The following ABCA5 variants were observed in gnomAD, a reference collection of about 807,000 sequenced individuals.
ABCA5 encodes the protein ATP binding cassette subfamily A member 5, also known as cholesterol transporter ABCA5.
Under a neutral mutation model 206.0 loss-of-function variants are expected in ABCA5, and 163 were observed. The observed-to-expected ratio is 0.79, with a 90% confidence interval of 0.70 to 0.90. ABCA5 has a LOEUF of 0.90. Among genes scored for constraint, ABCA5 ranks in the 40% least tolerant of loss-of-function variants. The probability of loss-of-function intolerance (pLI) is 0.00; values close to 1 mark genes in which losing one functional copy is unlikely to be tolerated. For synonymous variants in ABCA5, 609 were observed against 613.8 expected (o/e 0.99, Z 0.11); for missense variants, 1,859 against 1,912.9 (o/e 0.97, Z 0.53).
chr17:69,313,642 G>A (rs982939904), intron 2 of ABCA5, among the ~76,000 whole-genome samples: 8 of 151,924 alleles, frequency 5.3e-5, no homozygotes, highest in Middle Eastern at 3.4e-3. Flanking sequence ...GCAATTTACC[G>A]AACATCCCTA....
intron 22 of ABCA5, among the ~76,000 whole-genome samples, chr17:69,269,832 A>G (rs577192701): frequency 6.6e-6 from 1 of 152,218 alleles, no homozygotes; most frequent in Non-Finnish European, 1.5e-5. Flanking sequence ...TACATACTGT[A>G]TGATTCCATT....
intron 29 of ABCA5, 97 bp from the exon 30 acceptor site, chr17:69,255,947 G>T: frequency 8.9e-7 from 1 of 1,120,030 alleles, no homozygotes; most frequent in Non-Finnish European, 1.2e-6. Context: ...AAATTATATT[G>T]GCTAATAAGG....
intron 3 of ABCA5, among the ~76,000 whole-genome samples, chr17:69,310,605 C>G (rs753684064): frequency 1.3e-5 from 2 of 152,132 alleles, no homozygotes; most frequent in Admixed American, 6.5e-5. Flanking sequence ...TTGTTCCTTT[C>G]TTAGAAGATA....
intron 1 of ABCA5, 27 bp from the exon 2 acceptor site, chr17:69,314,457 A>C (rs770665352): frequency 1.4e-6 from 2 of 1,420,390 alleles, no homozygotes; most frequent in African/African-American, 2.9e-5. Context: ...ACAAACAAAC[A>C]AACCCGGAGC....
rs1052709437 is a variant in ABCA5 at position 69,245,264 on chromosome 17, C to T, written c.*2273G>A. ...CTTGCCTTATTAGTCAGTAAACACT[C>T]ACTCAGTAAAGCTCAGCTTTTACTT... On this transcript the variant is annotated 3_prime_UTR_variant, in exon 39 of 39. Coordinates refer to ENST00000392676, the MANE Select transcript of ABCA5 (RefSeq NM_172232.4). 1.1e-4 allele frequency: 17 copies of T among 151,920 alleles called. No homozygotes were observed. Among genetic ancestry groups the T allele is most frequent in the Non-Finnish European group, 1.9e-4 (13 of 67,836 alleles). The allele number at this position is 151,920 out of a possible 1,614,324, so 9.4% of individuals were successfully genotyped here. A position where few individuals can be genotyped will look rare whatever the true frequency, so the allele number is the denominator to read the frequency against.
At chr17:69,303,392 C>T (rs536367598) in intron 7 of ABCA5, among the ~76,000 whole-genome samples, 42 of 152,056 alleles carry the variant, frequency 2.8e-4, no homozygotes, top group Middle Eastern at 3.4e-3. Flanking sequence ...GCTGGGATTA[C>T]GGGTGTGAGC....
At chr17:69,264,452 G>A (rs2075185468) in intron 24 of ABCA5, among the ~76,000 whole-genome samples, 1 of 152,106 alleles carries the variant, frequency 6.6e-6, no homozygotes, top group African/African-American at 2.4e-5. Flanking sequence ...GGCATTTTAA[G>A]GAAGGAATAT....
At chr17:69,273,794 T>A (rs967070753) in intron 20 of ABCA5, 165 bp downstream of exon 20, 2 of 629,778 alleles carry the variant, frequency 3.2e-6, no homozygotes, top group Non-Finnish European at 4.7e-6. Context: ...TTTACTGTAA[T>A]ATATTCTTCA....
At chr17:69,283,578 C>T (rs750108857) in intron 18 of ABCA5, among the ~76,000 whole-genome samples, 7 of 152,148 alleles carry the variant, frequency 4.6e-5, no homozygotes, top group Admixed American at 1.3e-4. Flanking sequence ...ACTATGGCTC[C>T]GGCCATGGTA....
intron 9 of ABCA5, among the ~76,000 whole-genome samples, chr17:69,300,413 T>A (rs1157062567): frequency 6.6e-6 from 1 of 152,156 alleles, no homozygotes; most frequent in Non-Finnish European, 1.5e-5. Context: ...AGGCAGCTAG[T>A]AAGATCTGTG....
At chr17:69,281,675 A>G (rs1358435891) in intron 18 of ABCA5, among the ~76,000 whole-genome samples, 3 of 152,210 alleles carry the variant, frequency 2.0e-5, no homozygotes, top group African/African-American at 7.2e-5. Flanking sequence ...TACAGGAGCA[A>G]CTTTACAGTT....
chr17:69,277,825 G>A lies in ABCA5; in HGVS notation c.2410C>T (p.Gln804Ter), dbSNP rs2075350758. Residue 804 changes from glutamine to a stop codon, truncating the protein, a stop_gained, in exon 19 of 39, where the codon CAG becomes TAG. Transcript: ENST00000392676. LOFTEE classifies it high-confidence loss of function. ...TCCATTTCTTCCTCCAGTGGCTGCTGAGTAAATACACTATAATCTATTTGC... is the reference window on the plus strand; with the variant it reads ...TCCATTTCTTCCTCCAGTGGCTGCTAAGTAAATACACTATAATCTATTTGC... ...IDQADYSVFTQQPLEEEMDSK... is the reference protein window; with the variant it reads ...IDQADYSVFT The A allele has an allele frequency of 6.4e-7, 1 of 1,562,872 alleles. No homozygotes were observed. Among genetic ancestry groups the A allele is most frequent in the Non-Finnish European group, 8.6e-7 (1 of 1,159,128 alleles).
chr17:69,306,932 C>A lies in ABCA5; in HGVS notation c.581G>T (p.Trp194Leu). 6.4e-7 allele frequency: 1 copy of A among 1,552,494 alleles called. No individual in the cohort carries two copies. The highest frequency in any genetic ancestry group is 1.3e-5 in the South Asian group (1 of 79,756). ...IIQLKTNVSLWKELESTKAVI... is the reference protein window; with the variant it reads ...IIQLKTNVSLLKELESTKAVI... ...AGCTTTAGTTGACTCCAGCTCCTTC[C>A]AAAGAGAAACATTGGTCTTCAACTA... The change falls in exon 6 of 39, where the codon TGG (tryptophan) becomes TTG (leucine). Residue 194 changes from tryptophan (W) to leucine (L), a missense_variant. Transcript: ENST00000392676.
intron 7 of ABCA5, 125 bp downstream of exon 7, chr17:69,304,544 C>T: frequency 2.6e-6 from 2 of 758,266 alleles, no homozygotes; most frequent in South Asian, 5.8e-5. Context: ...TATTAAGTCA[C>T]TTATCAATTA....
At chr17:69,301,792 T>C (rs9912134) in intron 8 of ABCA5, among the ~76,000 whole-genome samples, 1 of 152,264 alleles carries the variant, frequency 6.6e-6, no homozygotes, top group African/African-American at 2.4e-5. Context: ...GTACTGGAGG[T>C]TGAAGCCTCA....
At chr17:69,281,641 C>T (rs955620815) in intron 18 of ABCA5, among the ~76,000 whole-genome samples, 13 of 152,292 alleles carry the variant, frequency 8.5e-5, no homozygotes, top group African/African-American at 2.9e-4. Flanking sequence ...TGAAAGTGGG[C>T]ATCTGGTATC....
chr17:69,309,543 T>A (rs1045443707), intron 3 of ABCA5, 120 bp from the exon 4 acceptor site: 1 of 796,922 alleles, frequency 1.3e-6, no homozygotes, highest in East Asian at 3.3e-5. Flanking sequence ...TATATTTACT[T>A]CTTAAAAAAT....
intron 35 of ABCA5, 185 bp from the exon 36 acceptor site, chr17:69,250,806 T>C (rs573987608): frequency 8.3e-6 from 3 of 361,028 alleles, no homozygotes; most frequent in Admixed American, 8.9e-5. Context: ...CATCTTATAT[T>C]ACCATGGTAA....
In ABCA5 at chr17:69,301,201, AT is replaced by A. The variant is rs776872366; in HGVS notation, c.1204del (p.Met402CysfsTer34). 13 of 1,602,920 alleles carry A rather than the reference AT, an allele frequency of 8.1e-6. No homozygotes were observed. The highest frequency in any genetic ancestry group is 1.0e-5 in the Non-Finnish European group (12 of 1,176,776). ...GPYPLIITII[M>X]LTLNSIFYVL... ...ATAGAATATACTATTAAGTGTGAGC[AT>A]GATAATTGTAATAATTAGAGGATAT... On this transcript the variant is annotated frameshift_variant, in exon 9 of 39. Transcript: ENST00000392676. LOFTEE classifies it high-confidence loss of function.
Sources: gnomAD v4.1 joint callset for allele counts (sites outside exome capture counted in the v4.1 genomes callset) on GRCh38, gnomAD v4.1.1 for gene constraint, MANE v1.5 for transcripts, NCBI Gene and HGNC (gene_info 2026-07-23, HGNC 2026-07-21) for gene names.